Variants in ARHGEF4 observed in about 807,000 individuals in gnomAD.
ARHGEF4 encodes Rho guanine nucleotide exchange factor 4.
A neutral mutation model predicts 162.0 loss-of-function variants in ARHGEF4; 119 were observed. The observed-to-expected ratio is 0.73, with a 90% confidence interval of 0.63 to 0.86. The LOEUF (loss-of-function observed/expected upper bound fraction) is 0.86, where lower values mean the gene tolerates loss of function less well. ARHGEF4 is among the 40% of genes least tolerant of loss of function. The probability of loss-of-function intolerance (pLI) is 0.00; values close to 1 mark genes in which losing one functional copy is unlikely to be tolerated. For missense variants in ARHGEF4, 2,488 were observed against 2,456.0 expected (o/e 1.01, Z -0.28); for synonymous variants, 1,014 against 979.9 (o/e 1.03, Z -0.65).
intron 2 of ARHGEF4, among the ~76,000 whole-genome samples, chr2:130,922,253 C>T (rs973035233): frequency 2.0e-5 from 3 of 151,748 alleles, no homozygotes; most frequent in African/African-American, 4.8e-5. Flanking sequence ...TGCATATAAT[C>T]GCAGCTAGTT....
chr2:130,841,355 C>A (rs575209926), intron 1 of ARHGEF4, among the ~76,000 whole-genome samples: 1 of 150,610 alleles, frequency 6.6e-6, no homozygotes, highest in Non-Finnish European at 1.5e-5. Context: ...TGAGCCACCG[C>A]GCCAGGCCTA....
chr2:130,968,594 G>C (rs1162564356), intron 4 of ARHGEF4, among the ~76,000 whole-genome samples: 1 of 152,218 alleles, frequency 6.6e-6, no homozygotes, highest in African/African-American at 2.4e-5. Flanking sequence ...AATGAGGCTA[G>C]AGACAGGCCG....
intron 1 of ARHGEF4, among the ~76,000 whole-genome samples, chr2:130,893,183 T>C (rs760182054): frequency 2.0e-5 from 3 of 152,222 alleles, no homozygotes; most frequent in African/African-American, 4.8e-5. Flanking sequence ...CCATGTATTC[T>C]GTCCACTGTA....
At chr2:130,838,439 C>G (rs1158949469) in intron 1 of ARHGEF4, among the ~76,000 whole-genome samples, 1 of 152,076 alleles carries the variant, frequency 6.6e-6, no homozygotes, top group Non-Finnish European at 1.5e-5. Flanking sequence ...AACCCCGTCT[C>G]TACTAAAAAT....
intron 7 of ARHGEF4, 33 bp downstream of exon 7, chr2:131,040,225 C>T: frequency 6.2e-7 from 1 of 1,609,070 alleles, no homozygotes; most frequent in South Asian, 1.1e-5. Context: ...TGACTGGGGA[C>T]CCGGTCGGGG....
chr2:130,932,107 C>G (rs1348918198), intron 3 of ARHGEF4, among the ~76,000 whole-genome samples: 3 of 152,200 alleles, frequency 2.0e-5, no homozygotes, highest in Non-Finnish European at 2.9e-5. Context: ...CTTCCTGTCT[C>G]TATGGGTCTT....
intron 4 of ARHGEF4, among the ~76,000 whole-genome samples, chr2:131,027,645 A>G (rs1284551983): frequency 1.3e-5 from 2 of 152,216 alleles, no homozygotes; most frequent in Non-Finnish European, 2.9e-5. Flanking sequence ...TTGTCACTGA[A>G]TACAACCTAA....
chr2:130,916,866 C>T lies in ARHGEF4; in HGVS notation c.2920C>T (p.Leu974=). 6.4e-7 allele frequency: 1 copy of T among 1,550,504 alleles called. No homozygotes were observed. The highest frequency in any genetic ancestry group is 8.7e-7 in the Non-Finnish European group (1 of 1,146,994). Reference sequence around the variant, plus strand: ...AAAGCCCACCCTAGTGAGTCTGCCTCTAGGACCCGAAGTTCTCTCCCCAGC... The same window carrying T: ...AAAGCCCACCCTAGTGAGTCTGCCTTTAGGACCCGAAGTTCTCTCCCCAGC... ...PKKPTLVSLP[L]GPEVLSPAET... Residue 974 remains leucine, a synonymous_variant, in exon 2 of 14, where the codon CTA becomes TTA. Transcript: ENST00000409359.
chr2:130,892,278 G>A (rs1679900296), intron 1 of ARHGEF4, among the ~76,000 whole-genome samples: 1 of 152,264 alleles, frequency 6.6e-6, no homozygotes, highest in African/African-American at 2.4e-5. Context: ...GACCAGATGT[G>A]GAGAGTTTCC....
At chr2:130,995,008 G>T (rs1687286907) in intron 4 of ARHGEF4, among the ~76,000 whole-genome samples, 1 of 152,230 alleles carries the variant, frequency 6.6e-6, no homozygotes, top group Admixed American at 6.5e-5. Flanking sequence ...GTGCCCAGAT[G>T]TGGTTATTTG....
At chr2:130,947,816 G>A (rs1031165592) in intron 4 of ARHGEF4, among the ~76,000 whole-genome samples, 3 of 152,174 alleles carry the variant, frequency 2.0e-5, no homozygotes, top group Non-Finnish European at 4.4e-5. Context: ...TCTTCTGGTG[G>A]AAGGACAGAT....
chr2:130,988,111 T>G (rs2105272219), intron 4 of ARHGEF4, among the ~76,000 whole-genome samples: 1 of 152,280 alleles, frequency 6.6e-6, no homozygotes, highest in Middle Eastern at 3.4e-3. Context: ...GCTCAATACA[T>G]TTATGGAAGG....
intron 3 of ARHGEF4, among the ~76,000 whole-genome samples, chr2:130,938,020 C>T (rs1574264373): frequency 6.6e-6 from 1 of 152,234 alleles, no homozygotes; most frequent in Middle Eastern, 3.4e-3. Context: ...TATAATGTGG[C>T]AACAAAGTGG....
At chr2:130,952,378 ACT>A (rs1367227964) in intron 4 of ARHGEF4, among the ~76,000 whole-genome samples, 2 of 152,114 alleles carry the variant, frequency 1.3e-5, no homozygotes, top group African/African-American at 4.8e-5. Context: ...CATGCTAAAA[ACT>A]CTCAATAAAC....
At position 130,952,370 on chromosome 2, in the gene ARHGEF4, T is replaced by G. The variant is rs1283288482; in HGVS notation, c.3985+5735T>G. 2.0e-5 allele frequency among the ~76,000 whole-genome samples: 3 copies of G among 152,184 alleles called. No individual in the cohort carries two copies. In the East Asian group the frequency reaches 5.8e-4, roughly 29 times the overall value. ...TTTGACAGAATTCAACAGCCCTTCA[T>G]GCTAAAAACTCTCAATAAACTAGGT... On this transcript the variant is annotated intron_variant, in intron 4 of 13. Coordinates refer to ENST00000409359, the MANE Select transcript of ARHGEF4 (RefSeq NM_001367493.1).
At chr2:131,035,687 T>G (rs1690223877) in intron 5 of ARHGEF4, 2 of 986,096 alleles carry the variant, frequency 2.0e-6, no homozygotes, top group Non-Finnish European at 2.4e-6. Context: ...TACCTGCAGT[T>G]GTTTTTCCCG....
rs879494565 is a variant in ARHGEF4 at position 130,969,598 on chromosome 2, C to CA, written c.3985+22976dup. Among the ~76,000 whole-genome samples, 1,213 of 129,428 alleles carry CA rather than the reference C, an allele frequency of 9.4e-3. 16 individuals carry two copies. Among genetic ancestry groups the CA allele is most frequent in the East Asian group, 0.019 (86 of 4,576 alleles). The allele number at this position is 129,428 out of a possible 152,430, so 84.9% of individuals were successfully genotyped here. A position where few individuals can be genotyped will look rare whatever the true frequency, so the allele number is the denominator to read the frequency against. On this transcript the variant is annotated intron_variant, in intron 4 of 13. Transcript: ENST00000409359. ...TGGGTGACAGAGTGAGACTCCGTCT[C>CA]AAAAAAAAAAAAATCATATGTCAAA...
At chr2:130,974,349 T>G (rs1685558713) in intron 4 of ARHGEF4, among the ~76,000 whole-genome samples, 1 of 152,008 alleles carries the variant, frequency 6.6e-6, no homozygotes, top group African/African-American at 2.4e-5. Flanking sequence ...TGACAATAAT[T>G]TTTTTTCCTT....
chr2:131,040,083 A>ACGGCGGGGCGGAGGCGCAGAG lies in ARHGEF4; in HGVS notation c.4375_4395dup (p.Gly1459_Ser1465dup), dbSNP rs1558892580. The ACGGCGGGGCGGAGGCGCAGAG allele has an allele frequency of 2.5e-6, 4 of 1,605,326 alleles. No individual in the cohort carries two copies. The highest frequency in any genetic ancestry group is 3.4e-6 in the Non-Finnish European group (4 of 1,176,156). On this transcript the variant is annotated inframe_insertion, in exon 7 of 14. Coordinates refer to ENST00000409359, the MANE Select transcript of ARHGEF4 (RefSeq NM_001367493.1). ...CTGGCCGGGAACAGCGGAGCGGAGG[A>ACGGCGGGGCGGAGGCGCAGAG]CGGCGGGGCGGAGGCGCAGAGCAGC...
Sources: gnomAD v4.1 joint callset for allele counts (sites outside exome capture counted in the v4.1 genomes callset) on GRCh38, gnomAD v4.1.1 for gene constraint, MANE v1.5 for transcripts, NCBI Gene and HGNC (gene_info 2026-07-23, HGNC 2026-07-21) for gene names.